PHACTR1: variants seen among roughly 807,000 people sequenced by gnomAD.
PHACTR1 encodes the protein RPEL repeat containing 1.
PHACTR1 carries 16 observed loss-of-function variants against 69.2 expected under a neutral mutation model. That is an observed-to-expected ratio of 0.23 (90% confidence interval 0.16 to 0.35). PHACTR1 has a LOEUF of 0.35. PHACTR1 is among the 10% of genes least tolerant of loss of function. The pLI, the probability that PHACTR1 is intolerant of heterozygous loss-of-function variation, is 1.00. For synonymous variants in PHACTR1, 312 were observed against 284.5 expected (o/e 1.10, Z -0.97); for missense variants, 510 against 734.7 (o/e 0.69, Z 3.54).
At chr6:12,879,300 G>A (rs1782846862) in intron 4 of PHACTR1, among the ~76,000 whole-genome samples, 1 of 152,204 alleles carries the variant, frequency 6.6e-6, no homozygotes, top group Non-Finnish European at 1.5e-5. Flanking sequence ...TTGCCCAGTT[G>A]AGTGTGGAAA....
intron 4 of PHACTR1, among the ~76,000 whole-genome samples, chr6:12,929,612 G>C (rs1788652375): frequency 6.6e-6 from 1 of 152,140 alleles, no homozygotes; most frequent in African/African-American, 2.4e-5. Flanking sequence ...CAAATGCAAA[G>C]AACAAATGAC....
chr6:13,155,632 G>A (rs527611943), intron 5 of PHACTR1, among the ~76,000 whole-genome samples: 2 of 152,338 alleles, frequency 1.3e-5, no homozygotes, highest in East Asian at 1.9e-4. Context: ...GCTCACGCCT[G>A]TAATCCTAGC....
intron 3 of PHACTR1, among the ~76,000 whole-genome samples, chr6:12,719,803 C>A (rs1383005385): frequency 6.6e-6 from 1 of 152,140 alleles, no homozygotes. Flanking sequence ...CTCTGAATTG[C>A]TTTTACCTCC....
intron 4 of PHACTR1, among the ~76,000 whole-genome samples, chr6:12,762,644 AC>A (rs1768154831): frequency 6.6e-6 from 1 of 152,142 alleles, no homozygotes; most frequent in African/African-American, 2.4e-5. Context: ...TGGTCCCTAC[AC>A]CCCAAATACC....
rs372359988 is a variant in PHACTR1, at chr6:13,208,634, C to CA, written c.986+2498_986+2499insA. ...GCAGCCAACGTCATTGCTGCCCACC[C>CA]CCCCAACCCCATGTCTACATGCACC... is the stretch of plus-strand genomic sequence containing the variant. On this transcript the variant is annotated intron_variant, in intron 8 of 14. Transcript: ENST00000332995. Among the ~76,000 whole-genome samples the CA allele has an allele frequency of 2.7e-3, 400 of 150,774 alleles. 1 individual carries two copies. The highest frequency in any genetic ancestry group is 9.3e-3 in the African/African-American group (385 of 41,254).
intron 4 of PHACTR1, among the ~76,000 whole-genome samples, chr6:12,782,924 G>A (rs185408708): frequency 8.5e-5 from 13 of 152,220 alleles, no homozygotes; most frequent in East Asian, 7.7e-4. Flanking sequence ...GGCAAAAAAA[G>A]GATAAATATT....
chr6:12,751,783 T>C (rs111796160), intron 4 of PHACTR1, among the ~76,000 whole-genome samples: 62 of 152,308 alleles, frequency 4.1e-4, no homozygotes, highest in African/African-American at 1.4e-3. Flanking sequence ...CCTTAAAATA[T>C]TCCTAATGTA....
intron 5 of PHACTR1, among the ~76,000 whole-genome samples, chr6:13,087,566 AAAG>A (rs1306352426): frequency 1.3e-5 from 2 of 152,158 alleles, no homozygotes; most frequent in Non-Finnish European, 2.9e-5. Context: ...AATTATCTCA[AAAG>A]AAGAAAAAGC....
intron 4 of PHACTR1, among the ~76,000 whole-genome samples, chr6:12,826,469 C>G (rs1776815499): frequency 6.6e-6 from 1 of 152,142 alleles, no homozygotes; most frequent in South Asian, 2.1e-4. Context: ...GAACAGATGA[C>G]TTTTGCCTGT....
At chr6:12,774,875 A>T (rs1369816600) in intron 4 of PHACTR1, among the ~76,000 whole-genome samples, 3 of 152,224 alleles carry the variant, frequency 2.0e-5, no homozygotes, top group Non-Finnish European at 4.4e-5. Context: ...AAGTTTTTAA[A>T]AGGCAAAGCC....
intron 10 of PHACTR1, among the ~76,000 whole-genome samples, chr6:13,258,587 T>C (rs1775506449): frequency 6.6e-6 from 1 of 152,200 alleles, no homozygotes; most frequent in Non-Finnish European, 1.5e-5. Context: ...GTGGTTTTTG[T>C]TCCCACTAGT....
In PHACTR1 at chr6:13,246,306, A is replaced by G. The variant is rs1375621202; in HGVS notation, c.1391+16113A>G. ...AGGCCCATGTAAAAGGAATCCTTGA[A>G]TTCTCCCACAGATACATTCTTTCAC... is the stretch of plus-strand genomic sequence containing the variant. On this transcript the variant is annotated intron_variant, in intron 10 of 14. Transcript: ENST00000332995. The surrounding 1 kb of genome is among the most constrained non-coding windows in gnomAD (Gnocchi z 4.2). 6.6e-6 allele frequency among the ~76,000 whole-genome samples: 1 copy of G among 152,146 alleles called. No individual in the cohort carries two copies. Among genetic ancestry groups the G allele is most frequent in the African/African-American group, 2.4e-5 (1 of 41,448 alleles).
intron 10 of PHACTR1, among the ~76,000 whole-genome samples, chr6:13,271,386 C>T (rs754651317): frequency 1.3e-5 from 2 of 152,150 alleles, no homozygotes; most frequent in Non-Finnish European, 2.9e-5. Flanking sequence ...CATTGAAGCC[C>T]ATTCCCTATA....
chr6:13,227,749 G>A, intron 8 of PHACTR1, 67 bp from the exon 9 acceptor site: 2 of 1,559,346 alleles, frequency 1.3e-6, no homozygotes, highest in Non-Finnish European at 1.7e-6. Flanking sequence ...TTTTAAAATG[G>A]TTTTGATGCA....
chr6:13,247,911 A>G (rs760942352), intron 10 of PHACTR1, among the ~76,000 whole-genome samples: 2 of 152,200 alleles, frequency 1.3e-5, no homozygotes, highest in Non-Finnish European at 2.9e-5. Flanking sequence ...AGGAGCTACC[A>G]TCGACAAATT....
At chr6:12,949,418 T>G (rs1485275121) in intron 4 of PHACTR1, among the ~76,000 whole-genome samples, 1 of 152,188 alleles carries the variant, frequency 6.6e-6, no homozygotes. Context: ...GGCAACATCT[T>G]CCAGCACAGA....
At chr6:12,932,586 G>A (rs1349346056) in intron 4 of PHACTR1, among the ~76,000 whole-genome samples, 5 of 152,092 alleles carry the variant, frequency 3.3e-5, no homozygotes, top group East Asian at 3.9e-4. Context: ...ACACAAAGAC[G>A]CTTTAAATCA....
rs1017921844 is a variant in PHACTR1 at position 13,287,259 on chromosome 6, G to A, written c.*181G>A. 1 of 673,000 alleles carries A rather than the reference G, an allele frequency of 1.5e-6. No individual in the cohort carries two copies. The highest frequency in any genetic ancestry group is 2.4e-6 in the Non-Finnish European group (1 of 409,608). The allele number at this position is 673,000 out of a possible 1,614,324, so 41.7% of individuals were successfully genotyped here. A position where few individuals can be genotyped will look rare whatever the true frequency, so the allele number is the denominator to read the frequency against. ...TTATGTGTGAAAACGCAAAAGTGAT[G>A]GCTCGGCGGTCCGAGCTGCTGGTCC... is the stretch of plus-strand genomic sequence containing the variant. On this transcript the variant is annotated 3_prime_UTR_variant, in exon 15 of 15. Transcript: ENST00000332995.
chr6:12,750,132 C>A (rs761697894), intron 4 of PHACTR1, among the ~76,000 whole-genome samples: 1 of 152,214 alleles, frequency 6.6e-6, no homozygotes, highest in Non-Finnish European at 1.5e-5. Context: ...CGAGGCTCCC[C>A]GGGCGAGGTT....
Sources: allele counts gnomAD v4.1 joint callset (sites outside exome capture counted in the v4.1 genomes callset), GRCh38; gene constraint gnomAD v4.1.1; non-coding constraint Gnocchi (gnomAD v3.1); transcripts MANE v1.5; gene names NCBI Gene and HGNC (gene_info 2026-07-23, HGNC 2026-07-21).